The following ATP13A4 variants were observed in gnomAD, a reference collection of about 807,000 sequenced individuals.
The protein encoded by ATP13A4 is ATPase 13A4.
A neutral mutation model predicts 142.5 loss-of-function variants in ATP13A4; 114 were observed. That is an observed-to-expected ratio of 0.80 (90% CI 0.69 to 0.93). ATP13A4 has a LOEUF of 0.93. Among genes scored for constraint, ATP13A4 ranks in the 40% least tolerant of loss-of-function variants. ATP13A4 has a pLI of 0.00. For missense variants in ATP13A4, 1,392 were observed against 1,454.0 expected, an observed-to-expected ratio of 0.96 and a Z score of 0.69; for synonymous variants, 488 against 514.8, an observed-to-expected ratio of 0.95 and a Z score of 0.70.
intron 1 of ATP13A4, chr3:193,553,166 T>C (rs1372869715): frequency 6.6e-6 from 1 of 152,238 alleles, no homozygotes; most frequent in Non-Finnish European, 1.5e-5. Flanking sequence ...AAAGGGCCTC[T>C]CCTAACTGGG....
chr3:193,589,687 A>G (rs976840636), intron 1 of ATP13A4, among the ~76,000 whole-genome samples: 3 of 152,130 alleles, frequency 2.0e-5, no homozygotes, highest in African/African-American at 7.2e-5. Flanking sequence ...TATTTTTAAC[A>G]TGTTTTTACA....
intron 2 of ATP13A4, among the ~76,000 whole-genome samples, chr3:193,505,197 C>T (rs933214897): frequency 2.6e-5 from 4 of 152,124 alleles, no homozygotes; most frequent in African/African-American, 9.7e-5. Context: ...GAATTCTGTA[C>T]CAACTGACAA....
At chr3:193,546,065 G>T (rs971873519) in intron 1 of ATP13A4, among the ~76,000 whole-genome samples, 1 of 150,410 alleles carries the variant, frequency 6.6e-6, no homozygotes, top group African/African-American at 2.4e-5. Flanking sequence ...TTGAGCCTCG[G>T]TTCAATCCAG....
intron 27 of ATP13A4, among the ~76,000 whole-genome samples, chr3:193,411,745 C>A (rs11929420): frequency 0.019 from 2,886 of 152,314 alleles, 89 homozygotes; most frequent in African/African-American, 0.066. Context: ...AGTCAGGTTC[C>A]TCCAGGCTGG....
At chr3:193,581,867 A>G (rs573209034) in exon 2 of ATP13A4, 9 of 152,222 alleles carry the variant, frequency 5.9e-5, no homozygotes, top group Admixed American at 4.6e-4. Context: ...CAAGGTTACA[A>G]AAGCTGGCTG....
intron 1 of ATP13A4, among the ~76,000 whole-genome samples, chr3:193,583,086 G>C (rs1348672480): frequency 6.7e-6 from 1 of 150,246 alleles, no homozygotes; most frequent in Non-Finnish European, 1.5e-5. Context: ...AATAATCACT[G>C]TGGAGCAGAA....
At position 193,400,973 on chromosome 3, in the gene ATP13A4, T is replaced by C. The variant is rs75421965; in HGVS notation, c.*1679A>G. Among the ~76,000 whole-genome samples, 578 of 152,318 alleles carry C rather than the reference T, an allele frequency of 3.8e-3. 2 individuals are homozygous for C. The highest frequency in any genetic ancestry group is 0.013 in the African/African-American group (535 of 41,578). ...ACCAAAAAAGACAGTGATTCTGCAG[T>C]CTTGAAACACTAAAATATCTTCACG... On this transcript the variant is annotated 3_prime_UTR_variant, in exon 30 of 30. Transcript: ENST00000342695.
intron 2 of ATP13A4, among the ~76,000 whole-genome samples, chr3:193,567,567 G>A (rs1724162346): frequency 1.3e-5 from 2 of 152,160 alleles, no homozygotes; most frequent in Non-Finnish European, 1.5e-5. Flanking sequence ...ATGTAAGAGA[G>A]TTTAAATTTC....
chr3:193,590,142 G>C (rs2108750589), intron 1 of ATP13A4, among the ~76,000 whole-genome samples: 1 of 152,270 alleles, frequency 6.6e-6, no homozygotes, highest in African/African-American at 2.4e-5. Context: ...ACTGATTCAA[G>C]ACCAGCCTAT....
chr3:193,543,971 T>C (rs1207878713), intron 1 of ATP13A4, among the ~76,000 whole-genome samples: 1 of 152,170 alleles, frequency 6.6e-6, no homozygotes. Context: ...TGGCATCCAC[T>C]CAGAAACTCT....
intron 25 of ATP13A4, among the ~76,000 whole-genome samples, chr3:193,428,034 C>G (rs1038874218): frequency 2.6e-4 from 39 of 152,116 alleles, no homozygotes; most frequent in Non-Finnish European, 4.4e-4. Context: ...TTTTTGCAAT[C>G]TACTCATCTG....
At chr3:193,554,682 G>A in intron 1 of ATP13A4, 58 bp downstream of exon 1, 1 of 1,122,206 alleles carries the variant, frequency 8.9e-7, no homozygotes, top group Non-Finnish European at 1.3e-6. Context: ...GTGTGTGTGT[G>A]TGTGTCTCGC....
Position 193,435,636 on chromosome 3 carries a change from C to T in ATP13A4, c.2769+12G>A. ...GTTCACACTAACCAAGAGGCTAAGT[C>T]CCAAGTCATACCCAGTAGAGCAGCA... On this transcript the variant is annotated intron_variant, in intron 24 of 29. Transcript: ENST00000342695. The T allele has an allele frequency of 6.2e-7, 1 of 1,607,212 alleles. No homozygotes were observed. The highest frequency in any genetic ancestry group is 8.5e-7 in the Non-Finnish European group (1 of 1,173,944).
intron 29 of ATP13A4, chr3:193,403,932 TTCCTAAAATCTA>T (rs1288678169): frequency 2.0e-6 from 2 of 985,436 alleles, no homozygotes; most frequent in African/African-American, 3.5e-5. Context: ...TATAGTAGTT[TTCCTAAAATCTA>T]CCCATTTTTG....
At chr3:193,517,281 T>C (rs1032320900) in intron 1 of ATP13A4, among the ~76,000 whole-genome samples, 1 of 152,192 alleles carries the variant, frequency 6.6e-6, no homozygotes, top group Non-Finnish European at 1.5e-5. Flanking sequence ...AAGGAGCTCA[T>C]TAGTTTAGTA....
rs535814470 is a variant in ATP13A4 at position 193,502,655 on chromosome 3, T to G, written c.235-16A>C. On this transcript the variant is annotated splice_polypyrimidine_tract_variant and intron_variant, in intron 2 of 29. Coordinates refer to ENST00000342695, the MANE Select transcript of ATP13A4 (RefSeq NM_032279.4). ...GGAATTCATCCTGAGGAGATAGACA[T>G]CAAAACCCCCAAGAAGTTAAGAGAG... The G allele has an allele frequency of 8.1e-6, 13 of 1,612,842 alleles. No homozygotes were observed. In the African/African-American group the frequency reaches 1.1e-4, roughly 13 times the overall value.
chr3:193,465,123 A>C lies in ATP13A4; in HGVS notation c.1278T>G (p.Pro426=), dbSNP rs1332991819. ...GGGCTTTCCTCACCACCTCCTCTGG[A>C]GGTTCCTGGACGACAGTCATTCTTT... ...TLCVYVLSGE[P]PEEVVRKALD... Residue 426 remains proline (P), a synonymous_variant, in exon 12 of 30, where the codon CCT becomes CCG. Transcript: ENST00000342695. 6.2e-7 allele frequency: 1 copy of C among 1,613,796 alleles called. No homozygotes were observed. The highest frequency in any genetic ancestry group is 1.7e-5 in the Admixed American group (1 of 60,004).
intron 18 of ATP13A4, among the ~76,000 whole-genome samples, chr3:193,443,292 C>G (rs565753704): frequency 6.6e-6 from 1 of 152,156 alleles, no homozygotes; most frequent in South Asian, 2.1e-4. Flanking sequence ...CAAGTTCAGC[C>G]TAGAGCTGTG....
intron 18 of ATP13A4, among the ~76,000 whole-genome samples, chr3:193,445,220 G>A (rs546778724): frequency 4.0e-5 from 6 of 150,538 alleles, no homozygotes; most frequent in African/African-American, 1.5e-4. Context: ...CACAGATCAC[G>A]AGGTCAAGAG....
Sources: allele counts gnomAD v4.1 joint callset (sites outside exome capture counted in the v4.1 genomes callset), GRCh38; gene constraint gnomAD v4.1.1; transcripts MANE v1.5; gene names NCBI Gene and HGNC (gene_info 2026-07-23, HGNC 2026-07-21).